The following CFDP1 variants were observed in gnomAD, a reference collection of about 807,000 sequenced individuals.
CFDP1 encodes chromatin remodeling protein CFDP1, also known as heterochromatin-stabilizing protein CFDP1.
A neutral mutation model predicts 40.1 loss-of-function variants in CFDP1; 31 were observed. The observed-to-expected ratio is 0.77, with a 90% confidence interval of 0.58 to 1.04. CFDP1 has a LOEUF of 1.04. Ranked by LOEUF, CFDP1 falls within the 50% of genes least tolerant of loss-of-function variation. The pLI is 0.00. For synonymous variants in CFDP1, 167 were observed against 120.0 expected (o/e 1.39, Z -2.56); for missense variants, 423 against 343.4 (o/e 1.23, Z -1.83).
At chr16:75,422,665 G>C (rs1162479727) in intron 1 of CFDP1, among the ~76,000 whole-genome samples, 1 of 151,804 alleles carries the variant, frequency 6.6e-6, no homozygotes. Context: ...AAAGTGCTGG[G>C]ATTACAGGTC....
chr16:75,349,650 C>CA (rs61472076), intron 5 of CFDP1, among the ~76,000 whole-genome samples: 1 of 23,244 alleles, frequency 4.3e-5, no homozygotes, highest in East Asian at 2.0e-3. Flanking sequence ...GACTCCGTCT[C>CA]AAAAAAAAAA....
chr16:75,309,971 C>T (rs1348882662), intron 5 of CFDP1, among the ~76,000 whole-genome samples: 1 of 152,102 alleles, frequency 6.6e-6, no homozygotes, highest in Non-Finnish European at 1.5e-5. Context: ...TTCATTGAGT[C>T]AAGAGACTCC....
intron 5 of CFDP1, among the ~76,000 whole-genome samples, chr16:75,347,343 C>CAAAAAAAAA: frequency 1.1e-5 from 1 of 91,624 alleles, no homozygotes; most frequent in Non-Finnish European, 2.1e-5. Flanking sequence ...GACTCCATCT[C>CAAAAAAAAA]AAAAAAAAAA....
At chr16:75,418,298 C>T (rs1366300995) in intron 1 of CFDP1, among the ~76,000 whole-genome samples, 3 of 129,914 alleles carry the variant, frequency 2.3e-5, no homozygotes, top group African/African-American at 8.2e-5. Flanking sequence ...TCAATATGAA[C>T]TCTAACCCTT....
intron 5 of CFDP1, chr16:75,362,743 T>C (rs537688008): frequency 6.6e-6 from 1 of 152,326 alleles, no homozygotes; most frequent in African/African-American, 2.4e-5. Context: ...TAGTTCACGG[T>C]GGCCCCTCTT....
intron 4 of CFDP1, chr16:75,409,230 C>G (rs1478298201): frequency 2.6e-5 from 4 of 152,182 alleles, no homozygotes; most frequent in African/African-American, 9.7e-5. Flanking sequence ...AATGAACAGC[C>G]TGTATAATTA....
At position 75,433,444 on chromosome 16, in the gene CFDP1, G is replaced by A; in HGVS notation, c.-92C>T. 9.9e-6 allele frequency: 13 copies of A among 1,310,958 alleles called. No individual in the cohort carries two copies. Among genetic ancestry groups the A allele is most frequent in the African/African-American group, 1.5e-5 (1 of 68,424 alleles). The allele number at this position is 1,310,958 out of a possible 1,614,324, so 81.2% of individuals were successfully genotyped here. On this transcript the variant is annotated 5_prime_UTR_variant, in exon 1 of 7. Coordinates refer to ENST00000283882, the MANE Select transcript of CFDP1 (RefSeq NM_006324.3). ...AGGGAGAGACCATAGAGCCCCGGCG[G>A]CGGCGACGGCAGCTAGGGCGGCCCC...
At chr16:75,430,971 A>G (rs1457459283) in intron 1 of CFDP1, among the ~76,000 whole-genome samples, 1 of 152,194 alleles carries the variant, frequency 6.6e-6, no homozygotes, top group Non-Finnish European at 1.5e-5. Flanking sequence ...GAGGAAGTCC[A>G]TTCAGATGGT....
chr16:75,345,428 G>C (rs2078555851), intron 5 of CFDP1, among the ~76,000 whole-genome samples: 1 of 152,050 alleles, frequency 6.6e-6, no homozygotes, highest in South Asian at 2.1e-4. Context: ...CTTTACCTCA[G>C]CCTGGGTGAC....
At chr16:75,321,262 G>A (rs913964219) in intron 5 of CFDP1, among the ~76,000 whole-genome samples, 2 of 152,188 alleles carry the variant, frequency 1.3e-5, no homozygotes, top group Non-Finnish European at 2.9e-5. Flanking sequence ...ACAGTGCCCA[G>A]CCTGGCTAAT....
rs780200659 is a variant in CFDP1 at position 75,316,569 on chromosome 16, T to TAA, written c.651-11389_651-11388dup. 1.6e-3 allele frequency among the ~76,000 whole-genome samples: 42 copies of TAA among 26,582 alleles called. 4 individuals are homozygous for TAA. The highest frequency in any genetic ancestry group is 2.8e-3 in the Non-Finnish European group (35 of 12,590). 17.4% of individuals were successfully genotyped at this position (26,582 alleles called of 152,430 possible). A position where few individuals can be genotyped will look rare whatever the true frequency, so the allele number is the denominator to read the frequency against. On this transcript the variant is annotated intron_variant, in intron 5 of 6. Transcript: ENST00000283882. ...TGGGTTGACAGGATGAGACCCTGTC[T>TAA]AAAAAAAAAAAAAAAAAAAAAAAAA... is the stretch of plus-strand genomic sequence containing the variant.
At chr16:75,296,370 T>C (rs1002460794) in intron 6 of CFDP1, among the ~76,000 whole-genome samples, 33 of 152,170 alleles carry the variant, frequency 2.2e-4, no homozygotes, top group African/African-American at 7.7e-4. Flanking sequence ...CTCAGGTAGC[T>C]GGGACCACAG....
At chr16:75,328,835 T>C (rs1045686043) in intron 5 of CFDP1, among the ~76,000 whole-genome samples, 5 of 150,098 alleles carry the variant, frequency 3.3e-5, no homozygotes, top group African/African-American at 1.2e-4. Flanking sequence ...CATGCCACCA[T>C]GCTCAGCGAA....
At chr16:75,344,287 C>T (rs2078546816) in intron 5 of CFDP1, among the ~76,000 whole-genome samples, 2 of 152,160 alleles carry the variant, frequency 1.3e-5, no homozygotes, top group South Asian at 4.1e-4. Context: ...GGCTACACAA[C>T]ACTGTGTATG....
At chr16:75,315,199 G>A (rs538632657) in intron 5 of CFDP1, among the ~76,000 whole-genome samples, 164 of 152,088 alleles carry the variant, frequency 1.1e-3, no homozygotes, top group African/African-American at 3.8e-3. Context: ...CGGGTGTGAC[G>A]GTGTGTGCCT....
intron 1 of CFDP1, among the ~76,000 whole-genome samples, chr16:75,429,423 G>A (rs919791310): frequency 6.6e-6 from 1 of 152,200 alleles, no homozygotes; most frequent in African/African-American, 2.4e-5. Flanking sequence ...GGAGGCTGAG[G>A]AGGGCGGATC....
chr16:75,386,356 T>A (rs1393747452), intron 5 of CFDP1, among the ~76,000 whole-genome samples: 1 of 152,166 alleles, frequency 6.6e-6, no homozygotes, highest in Non-Finnish European at 1.5e-5. Flanking sequence ...TTCAGAGTAT[T>A]TGTTGTAGGT....
At chr16:75,348,715 A>G (rs1412405280) in intron 5 of CFDP1, among the ~76,000 whole-genome samples, 1 of 152,188 alleles carries the variant, frequency 6.6e-6, no homozygotes, top group Non-Finnish European at 1.5e-5. Context: ...TTGCCATATT[A>G]TCTTTCAATC....
At chr16:75,343,315 C>G (rs2078539366) in intron 5 of CFDP1, among the ~76,000 whole-genome samples, 1 of 152,092 alleles carries the variant, frequency 6.6e-6, no homozygotes, top group South Asian at 2.1e-4. Context: ...CATGCATGTT[C>G]TCTCTTGCTG....
Sources: gnomAD v4.1 joint callset for allele counts (sites outside exome capture counted in the v4.1 genomes callset) on GRCh38, gnomAD v4.1.1 for gene constraint, MANE v1.5 for transcripts, NCBI Gene and HGNC (gene_info 2026-07-23, HGNC 2026-07-21) for gene names.